The following PPP2R2B variants were observed in gnomAD, a reference collection of about 807,000 sequenced individuals.
PPP2R2B encodes protein phosphatase 2 regulatory subunit Bbeta.
PPP2R2B carries 5 observed loss-of-function variants against 46.0 expected under a neutral mutation model. The ratio of observed to expected loss-of-function variants is 0.11; its 90% CI spans 0.06 to 0.23. The LOEUF is 0.23. PPP2R2B is among the 10% of genes least tolerant of loss of function. The pLI, the probability that PPP2R2B is intolerant of heterozygous loss-of-function variation, is 1.00. For synonymous variants in PPP2R2B, 215 were observed against 206.7 expected, an observed-to-expected ratio of 1.04 and a Z score of -0.34; for missense variants, 367 against 575.0, an observed-to-expected ratio of 0.64 and a Z score of 3.70.
chr5:146,850,178 T>C (rs1358066543), intron 2 of PPP2R2B, among the ~76,000 whole-genome samples: 1 of 152,146 alleles, frequency 6.6e-6, no homozygotes, highest in Non-Finnish European at 1.5e-5. Context: ...TCTTGAATCT[T>C]TTGCCAGGGT....
intron 1 of PPP2R2B, among the ~76,000 whole-genome samples, chr5:147,002,237 G>T (rs1480434270): frequency 6.6e-6 from 1 of 152,000 alleles, no homozygotes; most frequent in African/African-American, 2.4e-5. Context: ...CATAATTTTT[G>T]CCCAAAGCCC....
chr5:146,768,169 G>C (rs1445057863), intron 2 of PPP2R2B, among the ~76,000 whole-genome samples: 2 of 152,024 alleles, frequency 1.3e-5, no homozygotes, highest in East Asian at 3.8e-4. Flanking sequence ...CACCTCCCAG[G>C]CTCAAGCAAT....
chr5:146,590,475 T>G (rs780218887), intron 9 of PPP2R2B, among the ~76,000 whole-genome samples: 14 of 146,822 alleles, frequency 9.5e-5, no homozygotes, highest in Non-Finnish European at 1.6e-4. Context: ...TGGTGAGAAC[T>G]CTCCTTGTAA....
intron 2 of PPP2R2B, among the ~76,000 whole-genome samples, chr5:146,753,478 G>A (rs182666270): frequency 2.5e-4 from 38 of 152,250 alleles, no homozygotes; most frequent in Admixed American, 1.7e-3. Flanking sequence ...CACCAAAGAT[G>A]GACACAGTAA....
At chr5:146,677,915 T>A (rs1210870583) in intron 5 of PPP2R2B, among the ~76,000 whole-genome samples, 1 of 152,192 alleles carries the variant, frequency 6.6e-6, no homozygotes, top group Non-Finnish European at 1.5e-5. Flanking sequence ...ATCATGACTA[T>A]ATGTATGGAA....
intron 1 of PPP2R2B, among the ~76,000 whole-genome samples, chr5:147,013,864 C>T (rs13178283): frequency 0.45 from 62,921 of 138,418 alleles, 15,307 homozygotes; most frequent in Middle Eastern, 0.58. Flanking sequence ...GCAATGGCAA[C>T]GAAAGCCAAA....
At position 146,901,810 on chromosome 5, in the gene PPP2R2B, C is replaced by T. The variant is rs558092089; in HGVS notation, c.79+153855G>A. Among the ~76,000 whole-genome samples, 49 of 152,112 alleles carry T rather than the reference C, an allele frequency of 3.2e-4. No individual in the cohort carries two copies. The Middle Eastern group carries it at 0.01, about 32-fold the overall frequency. On this transcript the variant is annotated intron_variant, in intron 1 of 8. Coordinates refer to the PPP2R2B transcript ENST00000336640. ...TCAAATAATCCAGTTATGTAATGGTCGGTGTGATGAGTGGTTGCATTAGAA... is the reference window on the plus strand; with the variant it reads ...TCAAATAATCCAGTTATGTAATGGTTGGTGTGATGAGTGGTTGCATTAGAA...
intron 1 of PPP2R2B, among the ~76,000 whole-genome samples, chr5:146,964,526 TA>T (rs1238427412): frequency 6.6e-6 from 1 of 151,960 alleles, no homozygotes; most frequent in Non-Finnish European, 1.5e-5. Context: ...TATTTATTTT[TA>T]TTTTTATTTT....
intron 2 of PPP2R2B, among the ~76,000 whole-genome samples, chr5:146,767,533 C>T (rs1754561424): frequency 1.3e-5 from 2 of 151,082 alleles, no homozygotes; most frequent in Admixed American, 6.6e-5. Context: ...CCAATACACA[C>T]ATACATACAC....
rs1232557886 is a variant in PPP2R2B at position 146,588,464 on chromosome 5, C to CTCA, written c.*1480_*1482dup. On this transcript the variant is annotated 3_prime_UTR_variant, in exon 10 of 10. Transcript: ENST00000394411. ...AAAATTTCCCTTTCATTGAAAAACT[C>CTCA]TCATCTCAAACCATTTACCCTGCAC... The CTCA allele has an allele frequency of 6.6e-6, 1 of 152,162 alleles. No individual in the cohort carries two copies. The highest frequency in any genetic ancestry group is 2.4e-5 in the African/African-American group (1 of 41,436). 9.4% of individuals were successfully genotyped at this position (152,162 alleles called of 1,614,324 possible). A position where few individuals can be genotyped will look rare whatever the true frequency, so the allele number is the denominator to read the frequency against.
At chr5:146,792,322 A>G (rs1163154028) in intron 2 of PPP2R2B, among the ~76,000 whole-genome samples, 1 of 152,236 alleles carries the variant, frequency 6.6e-6, no homozygotes, top group Non-Finnish European at 1.5e-5. Context: ...GAGCCCAGCC[A>G]AAAACCTGTG....
At chr5:146,749,588 C>CT (rs894323854) in intron 2 of PPP2R2B, among the ~76,000 whole-genome samples, 1 of 145,494 alleles carries the variant, frequency 6.9e-6, no homozygotes, top group Non-Finnish European at 1.5e-5. Flanking sequence ...TGAAGATTTC[C>CT]TTTTTTTCTT....
At chr5:147,002,249 G>A (rs912655555) in intron 1 of PPP2R2B, among the ~76,000 whole-genome samples, 12 of 152,118 alleles carry the variant, frequency 7.9e-5, no homozygotes, top group Non-Finnish European at 5.9e-5. Context: ...CCAAAGCCCT[G>A]TTGTAGAGGG....
chr5:146,701,784 T>C (rs546436646), intron 2 of PPP2R2B, among the ~76,000 whole-genome samples: 3 of 152,196 alleles, frequency 2.0e-5, no homozygotes, highest in Admixed American at 6.5e-5. Context: ...AACAAGGTCA[T>C]AAGGGCAGAG....
intron 2 of PPP2R2B, among the ~76,000 whole-genome samples, chr5:147,077,255 T>C (rs1289526271): frequency 5.0e-5 from 7 of 139,716 alleles, no homozygotes; most frequent in Non-Finnish European, 7.6e-5. Flanking sequence ...ATATACGTTA[T>C]ACATATATGT....
chr5:146,708,594 T>C (rs151294654), intron 2 of PPP2R2B, among the ~76,000 whole-genome samples: 2 of 152,070 alleles, frequency 1.3e-5, no homozygotes, highest in African/African-American at 4.8e-5. Context: ...CCAAAAGAAG[T>C]AAAATTATGG....
intron 1 of PPP2R2B, among the ~76,000 whole-genome samples, chr5:147,033,604 C>G (rs1469980844): frequency 6.6e-6 from 1 of 152,088 alleles, no homozygotes; most frequent in Non-Finnish European, 1.5e-5. Context: ...GGGATGGAGA[C>G]AGATGGTGGG....
At chr5:146,801,224 A>T (rs891417526) in intron 2 of PPP2R2B, among the ~76,000 whole-genome samples, 1 of 152,226 alleles carries the variant, frequency 6.6e-6, no homozygotes, top group Non-Finnish European at 1.5e-5. Context: ...TCAGTTATAC[A>T]AAATGAATAA....
chr5:146,658,555 A>G (rs555136737), intron 5 of PPP2R2B, among the ~76,000 whole-genome samples: 3 of 152,316 alleles, frequency 2.0e-5, no homozygotes, highest in Admixed American at 2.0e-4. Flanking sequence ...CCCTAGGAAC[A>G]GCAGTGGTGG....
Sources: gnomAD v4.1 joint callset for allele counts (sites outside exome capture counted in the v4.1 genomes callset) on GRCh38, gnomAD v4.1.1 for gene constraint, MANE v1.5 for transcripts, NCBI Gene and HGNC (gene_info 2026-07-23, HGNC 2026-07-21) for gene names.